ABI3BP: variants seen among roughly 807,000 people sequenced by gnomAD.
ABI3BP encodes ABI family member 3 binding protein, also known as target of Nesh-SH3.
A neutral mutation model predicts 268.6 loss-of-function variants in ABI3BP; 216 were observed. The observed-to-expected ratio is 0.80, with a 90% CI of 0.72 to 0.90. The LOEUF is 0.90. ABI3BP is among the 40% of genes least tolerant of loss of function. The probability of loss-of-function intolerance (pLI) is 0.00; values close to 1 mark genes in which losing one functional copy is unlikely to be tolerated. For synonymous variants in ABI3BP, 730 were observed against 730.0 expected (o/e 1.00, Z 0.00); for missense variants, 2,090 against 2,182.4 (o/e 0.96, Z 0.84).
Position 100,956,951 on chromosome 3 carries a change from A to G in ABI3BP, c.80-30470T>C, listed in dbSNP as rs150510467. ...GTGAAGCTAGAGGTAACTGGGCTGG[A>G]TGGATAGGGTCTTAGAGGACACTGA... On this transcript the variant is annotated intron_variant, in intron 1 of 67. Transcript: ENST00000471714. 2.6e-3 allele frequency among the ~76,000 whole-genome samples: 399 copies of G among 152,294 alleles called. 1 individual carries two copies. Among genetic ancestry groups the G allele is most frequent in the African/African-American group, 9.1e-3 (379 of 41,572 alleles).
chr3:100,850,007 G>A lies in ABI3BP; in HGVS notation c.1501+38C>T, dbSNP rs375599698. ...CATGACTTCTCACATTACCTGTTTCGTCAATGCATACATAACTACATAAAT... is the reference window on the plus strand; with the variant it reads ...CATGACTTCTCACATTACCTGTTTCATCAATGCATACATAACTACATAAAT... On this transcript the variant is annotated intron_variant, in intron 17 of 67. Coordinates refer to ENST00000471714, the MANE Select transcript of ABI3BP (RefSeq NM_001375547.2). The A allele has an allele frequency of 3.4e-5, 53 of 1,550,892 alleles. 1 individual carries two copies. The highest frequency in any genetic ancestry group is 5.8e-5 in the South Asian group (5 of 86,370).
In ABI3BP at chr3:100,905,924, TCAA is replaced by T. The variant is rs540135119; in HGVS notation, c.260-3241_260-3239del. 1.4e-3 allele frequency among the ~76,000 whole-genome samples: 215 copies of T among 152,296 alleles called. 1 individual carries two copies. The highest frequency in any genetic ancestry group is 0.014 in the Middle Eastern group (4 of 294). ...GAAAAAGCTTTATATTTTAGTATCT[TCAA>T]CAACATTTTTTTTCCATGTTTTTGA... On this transcript the variant is annotated intron_variant, in intron 2 of 67. Transcript: ENST00000471714.
chr3:100,847,968 C>T (rs947615416), intron 18 of ABI3BP, among the ~76,000 whole-genome samples: 2 of 152,174 alleles, frequency 1.3e-5, no homozygotes, highest in Admixed American at 6.5e-5. Context: ...ACCACCCAAA[C>T]TCTGTGCTAT....
At chr3:100,778,738 A>G (rs1205754946) in intron 58 of ABI3BP, 1 of 199,866 alleles carries the variant, frequency 5.0e-6, no homozygotes, top group East Asian at 1.4e-4. Flanking sequence ...AGCAAAACAC[A>G]AAATGTAACA....
At chr3:100,852,053 A>G (rs1580519901) in intron 14 of ABI3BP, 113 bp from the exon 15 acceptor site, 3 of 947,856 alleles carry the variant, frequency 3.2e-6, no homozygotes, top group Non-Finnish European at 4.6e-6. Context: ...AGTTTTATGT[A>G]GGTACTGGTA....
At chr3:100,816,164 C>G in intron 43 of ABI3BP, 193 bp from the exon 44 acceptor site, 1 of 536,040 alleles carries the variant, frequency 1.9e-6, no homozygotes, top group Non-Finnish European at 3.3e-6. Flanking sequence ...AAGGTAGTTA[C>G]AACCTTTGAA....
At chr3:100,970,647 G>A (rs933146161) in intron 1 of ABI3BP, among the ~76,000 whole-genome samples, 7 of 152,208 alleles carry the variant, frequency 4.6e-5, no homozygotes, top group East Asian at 1.9e-4. Flanking sequence ...GGAGGAGGAC[G>A]AAAGGCGGTC....
At chr3:100,813,404 A>G (rs2097913280) in intron 45 of ABI3BP, among the ~76,000 whole-genome samples, 1 of 152,182 alleles carries the variant, frequency 6.6e-6, no homozygotes, top group Non-Finnish European at 1.5e-5. Context: ...GTGGTTTGTC[A>G]ACCACTTAAT....
At chr3:100,887,583 C>T (rs1264015761) in intron 4 of ABI3BP, among the ~76,000 whole-genome samples, 4 of 151,966 alleles carry the variant, frequency 2.6e-5, no homozygotes, top group Non-Finnish European at 5.9e-5. Flanking sequence ...ATAGTAGCTG[C>T]CATGTTATGA....
chr3:100,891,878 C>T (rs1212999121), intron 4 of ABI3BP, among the ~76,000 whole-genome samples: 2 of 152,204 alleles, frequency 1.3e-5, no homozygotes, highest in Non-Finnish European at 2.9e-5. Flanking sequence ...AGGAGGTAGA[C>T]ATGCATATGT....
intron 65 of ABI3BP, 93 bp from the exon 66 acceptor site, chr3:100,753,041 C>T (rs1443918664): frequency 8.3e-7 from 1 of 1,205,882 alleles, no homozygotes; most frequent in Middle Eastern, 2.7e-4. Flanking sequence ...TTGCTGATAC[C>T]TTTTTTTCCC....
At chr3:100,854,640 A>C (rs2098918518) in intron 14 of ABI3BP, among the ~76,000 whole-genome samples, 2 of 152,210 alleles carry the variant, frequency 1.3e-5, no homozygotes, top group Admixed American at 6.5e-5. Flanking sequence ...CACTATGCTT[A>C]TTGTAGTGGG....
At position 100,749,209 on chromosome 3, in the gene ABI3BP, T is replaced by TAAAC. The variant is rs5851220; in HGVS notation, c.*1282_*1285dup. 0.37 allele frequency: 38,521 copies of TAAAC among 104,966 alleles called. 5,131 individuals carry two copies. The highest frequency in any genetic ancestry group is 0.52 in the Middle Eastern group (123 of 236). The allele number at this position is 104,966 out of a possible 1,614,324, so 6.5% of individuals were successfully genotyped here. ...TAGGATGAAAGGTTAATTTAGGACA[T>TAAAC]AAACAAACAGTAGATATAATGGGGG... On this transcript the variant is annotated 3_prime_UTR_variant, in exon 68 of 68. Coordinates refer to ENST00000471714, the MANE Select transcript of ABI3BP (RefSeq NM_001375547.2).
At chr3:100,892,784 G>A (rs528485310) in intron 4 of ABI3BP, among the ~76,000 whole-genome samples, 1 of 152,172 alleles carries the variant, frequency 6.6e-6, no homozygotes, top group Non-Finnish European at 1.5e-5. Flanking sequence ...GTGCATAGAG[G>A]GGATTGTTAA....
At chr3:100,905,988 C>G (rs1029778615) in intron 2 of ABI3BP, among the ~76,000 whole-genome samples, 1 of 152,084 alleles carries the variant, frequency 6.6e-6, no homozygotes, top group Non-Finnish European at 1.5e-5. Flanking sequence ...GTTCTTGGCC[C>G]TGCAAGTTAT....
chr3:100,875,716 T>A, intron 7 of ABI3BP, 137 bp from the exon 8 acceptor site: 1 of 649,214 alleles, frequency 1.5e-6, no homozygotes, highest in Non-Finnish European at 2.8e-6. Context: ...GTGGCCTGGC[T>A]ATATAGCCAA....
At chr3:100,753,944 A>G (rs2095478806) in intron 64 of ABI3BP, 96 bp from the exon 65 acceptor site, 2 of 1,282,506 alleles carry the variant, frequency 1.6e-6, no homozygotes, top group African/African-American at 3.0e-5. Context: ...ACTTGTTAAG[A>G]AGTCTTATTT....
At chr3:100,962,420 T>G (rs1303089961) in intron 1 of ABI3BP, among the ~76,000 whole-genome samples, 6 of 152,182 alleles carry the variant, frequency 3.9e-5, no homozygotes, top group Non-Finnish European at 8.8e-5. Context: ...GTCCTCATCT[T>G]TGACAATTTA....
intron 66 of ABI3BP, 145 bp from the exon 67 acceptor site, chr3:100,751,819 T>C: frequency 2.6e-6 from 2 of 767,452 alleles, no homozygotes; most frequent in Non-Finnish European, 3.8e-6. Context: ...TGCCTACCTG[T>C]ATTCTTCCTC....
Sources: allele counts gnomAD v4.1 joint callset (sites outside exome capture counted in the v4.1 genomes callset), GRCh38; gene constraint gnomAD v4.1.1; transcripts MANE v1.5; gene names NCBI Gene and HGNC (gene_info 2026-07-23, HGNC 2026-07-21).